Variants in AHCYL2 observed in about 807,000 individuals in gnomAD.
The protein encoded by AHCYL2 is S-adenosylhomocysteine hydrolase-like protein 2.
A neutral mutation model predicts 81.4 loss-of-function variants in AHCYL2; 28 were observed. The ratio of observed to expected loss-of-function variants is 0.34; its 90% CI spans 0.25 to 0.47. The LOEUF is 0.47. AHCYL2 is among the 20% of genes least tolerant of loss of function. The pLI is 1.00. For synonymous variants in AHCYL2, 272 were observed against 290.2 expected (o/e 0.94, Z 0.64); for missense variants, 551 against 785.1 (o/e 0.70, Z 3.56).
rs566436419 is a variant in AHCYL2 at position 129,408,351 on chromosome 7, A to C, written c.1296-1125A>C. 2.0e-5 allele frequency among the ~76,000 whole-genome samples: 3 copies of C among 152,338 alleles called. No homozygotes were observed. The East Asian group carries it at 5.8e-4, about 29-fold the overall frequency. ...GCCAGTATGTATTAGAGAAGAGTAG[A>C]GAGATGAAAGAGACGTTTATGGAAT... On this transcript the variant is annotated intron_variant, in intron 10 of 16. Coordinates refer to ENST00000325006, the MANE Select transcript of AHCYL2 (RefSeq NM_015328.4).
chr7:129,273,733 T>C (rs1306234532), intron 1 of AHCYL2, among the ~76,000 whole-genome samples: 1 of 152,176 alleles, frequency 6.6e-6, no homozygotes, highest in South Asian at 2.1e-4. Flanking sequence ...TGTTAAACAA[T>C]AGGGCTTCTA....
At chr7:129,331,306 A>C (rs1798413276) in intron 1 of AHCYL2, among the ~76,000 whole-genome samples, 1 of 152,184 alleles carries the variant, frequency 6.6e-6, no homozygotes, top group Non-Finnish European at 1.5e-5. Context: ...TTCTACTTAT[A>C]GGAATTTATT....
chr7:129,413,788 C>T (rs1796712567), intron 12 of AHCYL2, 100 bp downstream of exon 12: 2 of 957,336 alleles, frequency 2.1e-6, no homozygotes, highest in Non-Finnish European at 3.3e-6. Context: ...CTAAACATGA[C>T]TATCCTGGCA....
chr7:129,343,289 ATT>A (rs1563204251), intron 1 of AHCYL2, among the ~76,000 whole-genome samples: 2 of 152,052 alleles, frequency 1.3e-5, no homozygotes, highest in Admixed American at 6.6e-5. Context: ...GCACTAGGAT[ATT>A]GTTTGTTTTT....
chr7:129,295,775 T>C (rs1006723379), intron 1 of AHCYL2, among the ~76,000 whole-genome samples: 1 of 152,222 alleles, frequency 6.6e-6, no homozygotes, highest in African/African-American at 2.4e-5. Flanking sequence ...CTCAGAGGGT[T>C]AATGCATGCT....
chr7:129,313,832 G>C (rs1364354768), intron 1 of AHCYL2, among the ~76,000 whole-genome samples: 1 of 152,152 alleles, frequency 6.6e-6, no homozygotes, highest in African/African-American at 2.4e-5. Flanking sequence ...AAGTTGAGAT[G>C]CCAGTTTAAT....
chr7:129,246,195 A>AT (rs1795050038), intron 1 of AHCYL2, among the ~76,000 whole-genome samples: 1 of 151,796 alleles, frequency 6.6e-6, no homozygotes, highest in African/African-American at 2.4e-5. Context: ...AGTAGCTGGG[A>AT]TTACAGGCAT....
At chr7:129,288,343 A>T (rs1378713294) in intron 1 of AHCYL2, among the ~76,000 whole-genome samples, 1 of 151,550 alleles carries the variant, frequency 6.6e-6, no homozygotes, top group Non-Finnish European at 1.5e-5. Context: ...GTAAATTTGT[A>T]TTTGTATTTA....
chr7:129,253,906 T>C (rs75059497), intron 1 of AHCYL2, among the ~76,000 whole-genome samples: 4,536 of 152,352 alleles, frequency 0.03, 88 homozygotes, highest in Non-Finnish European at 0.049. Flanking sequence ...CAAATGTAGT[T>C]TATAATTATA....
intron 1 of AHCYL2, among the ~76,000 whole-genome samples, chr7:129,351,891 G>A (rs920241122): frequency 6.6e-6 from 1 of 152,142 alleles, no homozygotes; most frequent in African/African-American, 2.4e-5. Flanking sequence ...TGGTATATAA[G>A]CAATGATAGG....
intron 1 of AHCYL2, among the ~76,000 whole-genome samples, chr7:129,345,997 C>T (rs531386754): frequency 6.6e-6 from 1 of 152,018 alleles, no homozygotes; most frequent in East Asian, 2.0e-4. Context: ...GAGATCTGGG[C>T]TGTCTAAGTA....
At chr7:129,308,431 G>C (rs1797521253) in intron 1 of AHCYL2, among the ~76,000 whole-genome samples, 1 of 152,222 alleles carries the variant, frequency 6.6e-6, no homozygotes, top group Admixed American at 6.5e-5. Context: ...CCATGTGGGT[G>C]CTGCCAGGGG....
intron 1 of AHCYL2, among the ~76,000 whole-genome samples, chr7:129,240,786 CTG>C (rs1401220359): frequency 6.6e-6 from 1 of 152,084 alleles, no homozygotes; most frequent in Non-Finnish European, 1.5e-5. Context: ...TCCAGAAACA[CTG>C]TGCCCATGTG....
At chr7:129,306,202 C>G (rs1797435945) in intron 1 of AHCYL2, among the ~76,000 whole-genome samples, 1 of 152,200 alleles carries the variant, frequency 6.6e-6, no homozygotes, top group African/African-American at 2.4e-5. Flanking sequence ...TCTACCTTCT[C>G]TTTAAGGCCA....
At chr7:129,242,460 A>G (rs1794895752) in intron 1 of AHCYL2, among the ~76,000 whole-genome samples, 1 of 152,000 alleles carries the variant, frequency 6.6e-6, no homozygotes, top group African/African-American at 2.4e-5. Flanking sequence ...GCTCACGCCT[A>G]TAATCCCAGC....
chr7:129,419,803 TAA>T lies in AHCYL2; in HGVS notation c.1462-3036_1462-3035del, dbSNP rs1797029536. 6.6e-6 allele frequency among the ~76,000 whole-genome samples: 1 copy of T among 151,794 alleles called. No individual in the cohort carries two copies. The highest frequency in any genetic ancestry group is 1.5e-5 in the Non-Finnish European group (1 of 67,980). On this transcript the variant is annotated intron_variant, in intron 12 of 16. Coordinates refer to ENST00000325006, the MANE Select transcript of AHCYL2 (RefSeq NM_015328.4). The surrounding 1 kb of genome is among the most constrained non-coding windows in gnomAD (Gnocchi z 4.7). Reference sequence around the variant, plus strand: ...TATATAAGACCAATTTGTGCAAGCATAATGAGTGGCCAGTTTATGGTGGGATG... The same window carrying T: ...TATATAAGACCAATTTGTGCAAGCATTGAGTGGCCAGTTTATGGTGGGATG...
chr7:129,314,515 AT>A (rs1273683988), intron 1 of AHCYL2, among the ~76,000 whole-genome samples: 2 of 152,152 alleles, frequency 1.3e-5, no homozygotes, highest in African/African-American at 4.8e-5. Flanking sequence ...GCACCAATAG[AT>A]TCAGTTTCTG....
chr7:129,396,568 T>C (rs1212971393), intron 4 of AHCYL2, among the ~76,000 whole-genome samples: 1 of 152,020 alleles, frequency 6.6e-6, no homozygotes, highest in African/African-American at 2.4e-5. Context: ...ATTACAGGCA[T>C]GCGCCACCAT....
intron 1 of AHCYL2, among the ~76,000 whole-genome samples, chr7:129,349,170 C>T (rs1178940619): frequency 2.0e-5 from 3 of 152,052 alleles, no homozygotes; most frequent in Non-Finnish European, 4.4e-5. Flanking sequence ...TCAAAGGTTC[C>T]CTTCATCTTG....
Sources: allele counts gnomAD v4.1 joint callset (sites outside exome capture counted in the v4.1 genomes callset), GRCh38; gene constraint gnomAD v4.1.1; non-coding constraint Gnocchi (gnomAD v3.1); transcripts MANE v1.5; gene names NCBI Gene and HGNC (gene_info 2026-07-23, HGNC 2026-07-21).